Variants in IRAG1 observed in about 807,000 individuals in gnomAD.
The protein encoded by IRAG1 is inositol 1,4,5-triphosphate receptor associated 1.
In IRAG1, 62 loss-of-function variants were observed where a neutral mutation model predicts 106.2. The ratio of observed to expected loss-of-function variants is 0.58; its 90% CI spans 0.48 to 0.72. IRAG1 has a LOEUF of 0.72. IRAG1 is among the 30% of genes least tolerant of loss of function. The pLI, the probability that IRAG1 is intolerant of heterozygous loss-of-function variation, is 0.00. For synonymous variants in IRAG1, 462 were observed against 443.9 expected (o/e 1.04, Z -0.51); for missense variants, 1,064 against 1,140.7 (o/e 0.93, Z 0.97).
At chr11:10,617,238 A>G in intron 10 of IRAG1, 1 of 969,534 alleles carries the variant, frequency 1.0e-6, no homozygotes, top group Non-Finnish European at 1.2e-6. Context: ...TTCAAGAGCC[A>G]CCATTTACTG....
At position 10,693,723 on chromosome 11, in the gene IRAG1, GC is replaced by G; in HGVS notation, c.-122del. ...CTTAGAGCCGAGAGCTCCTCTGGGA[GC>G]CCCACTCCGGCCTGGCTCGGGGGAT... On this transcript the variant is annotated 5_prime_UTR_variant, in exon 1 of 21. Transcript: ENST00000423302. 1.7e-6 allele frequency: 2 copies of G among 1,185,058 alleles called. No individual in the cohort carries two copies. The highest frequency in any genetic ancestry group is 2.4e-6 in the Non-Finnish European group (2 of 848,004). 73.4% of individuals were successfully genotyped at this position (1,185,058 alleles called of 1,614,324 possible).
At chr11:10,585,273 A>G (rs1219750359) in intron 18 of IRAG1, among the ~76,000 whole-genome samples, 2 of 152,134 alleles carry the variant, frequency 1.3e-5, no homozygotes, top group Non-Finnish European at 2.9e-5. Context: ...TTTTACATGC[A>G]GATCTTCTGT....
At chr11:10,629,441 C>G in intron 5 of IRAG1, 97 bp downstream of exon 5, 1 of 1,365,336 alleles carries the variant, frequency 7.3e-7, no homozygotes. Flanking sequence ...AAGGCGACCT[C>G]CTCGGAGGTG....
chr11:10,613,043 G>T (rs1855099313), intron 10 of IRAG1, among the ~76,000 whole-genome samples: 1 of 152,108 alleles, frequency 6.6e-6, no homozygotes, highest in African/African-American at 2.4e-5. Context: ...AGGAAAGAAA[G>T]ATTGAAGTAT....
chr11:10,585,032 G>A (rs552651556), intron 18 of IRAG1, among the ~76,000 whole-genome samples: 3 of 152,248 alleles, frequency 2.0e-5, no homozygotes, highest in African/African-American at 7.2e-5. Context: ...CAGAGTCAGA[G>A]GAACCCTAAA....
intron 17 of IRAG1, 115 bp downstream of exon 17, chr11:10,593,377 T>G: frequency 1.4e-6 from 1 of 729,692 alleles, no homozygotes; most frequent in South Asian, 1.9e-5. Context: ...TTCTGGAAAT[T>G]TCCTCTCCTT....
chr11:10,676,293 G>C (rs1860658942), intron 1 of IRAG1, among the ~76,000 whole-genome samples: 1 of 152,248 alleles, frequency 6.6e-6, no homozygotes, highest in African/African-American at 2.4e-5. Flanking sequence ...ATGGTTGAGA[G>C]GATGGCATGA....
chr11:10,668,898 G>C (rs1860000388), intron 1 of IRAG1, among the ~76,000 whole-genome samples: 1 of 152,184 alleles, frequency 6.6e-6, no homozygotes, highest in Non-Finnish European at 1.5e-5. Flanking sequence ...CAGCAGACCT[G>C]GCTCTGAGGC....
At chr11:10,627,058 G>T (rs533799403) in intron 8 of IRAG1, among the ~76,000 whole-genome samples, 6 of 152,292 alleles carry the variant, frequency 3.9e-5, no homozygotes, top group African/African-American at 7.2e-5. Context: ...ATTGGATGGG[G>T]TGATTCTTGC....
intron 1 of IRAG1, among the ~76,000 whole-genome samples, chr11:10,669,423 A>G (rs1247322083): frequency 6.6e-6 from 1 of 152,244 alleles, no homozygotes; most frequent in African/African-American, 2.4e-5. Context: ...GTGGCCTGGC[A>G]ACAGGCAGCT....
rs547868247 is a variant in IRAG1, at chr11:10,629,646, C to A, written c.466G>T (p.Asp156Tyr). Reference sequence around the variant, plus strand: ...AGCAGCGCCAGGTTTTTCTTCTTGTCCTCCTCTGAGATGCTGATGTCTGGC... The same window carrying A: ...AGCAGCGCCAGGTTTTTCTTCTTGTACTCCTCTGAGATGCTGATGTCTGGC... Reference protein sequence around the residue: ...QLPDISISEEDKKKNLALLEE... With the variant: ...QLPDISISEEYKKKNLALLEE... The change falls in exon 5 of 21, where the codon GAC becomes TAC. Residue 156 changes from aspartate to tyrosine, a missense_variant. Asp to Tyr is a radical substitution (Grantham distance 160). Transcript: ENST00000423302. The A allele has an allele frequency of 3.7e-6, 6 of 1,613,948 alleles. No individual in the cohort carries two copies. In the South Asian group the frequency reaches 6.6e-5, roughly 18 times the overall value.
At chr11:10,684,774 CTT>C (rs1163301068) in intron 1 of IRAG1, among the ~76,000 whole-genome samples, 4 of 152,052 alleles carry the variant, frequency 2.6e-5, no homozygotes. Flanking sequence ...ATAAATCCTA[CTT>C]TCTCTTAAGT....
chr11:10,621,467 A>G (rs1403388770), intron 10 of IRAG1, among the ~76,000 whole-genome samples: 1 of 152,210 alleles, frequency 6.6e-6, no homozygotes, highest in East Asian at 1.9e-4. Flanking sequence ...TTGGGCCCAC[A>G]GTCTCAGAAG....
At chr11:10,607,495 C>T (rs767363349) in intron 11 of IRAG1, among the ~76,000 whole-genome samples, 2 of 152,222 alleles carry the variant, frequency 1.3e-5, no homozygotes, top group African/African-American at 4.8e-5. Flanking sequence ...GCAGTCCCTG[C>T]ATCTGCATGT....
chr11:10,582,793 TA>T (rs1446809418), intron 18 of IRAG1, among the ~76,000 whole-genome samples: 1 of 152,002 alleles, frequency 6.6e-6, no homozygotes, highest in Non-Finnish European at 1.5e-5. Context: ...CCATCTCTAC[TA>T]AAAATACAAA....
chr11:10,586,073 G>A (rs890632303), intron 18 of IRAG1: 1 of 152,240 alleles, frequency 6.6e-6, no homozygotes, highest in East Asian at 1.9e-4. Flanking sequence ...CCTGCCCTCA[G>A]GCTGGACCAT....
At chr11:10,591,704 C>A in intron 17 of IRAG1, 92 bp from the exon 18 acceptor site, 1 of 1,147,352 alleles carries the variant, frequency 8.7e-7, no homozygotes, top group Admixed American at 2.0e-5. Context: ...GGGAGCGGGG[C>A]TGCTGCTTCT....
intron 2 of IRAG1, among the ~76,000 whole-genome samples, chr11:10,636,207 AATTT>A (rs770950635): frequency 1.1e-4 from 17 of 152,182 alleles, no homozygotes; most frequent in Non-Finnish European, 2.2e-4. Flanking sequence ...TTATTTATTT[AATTT>A]ATTTAGTTTC....
intron 1 of IRAG1, among the ~76,000 whole-genome samples, chr11:10,676,493 C>T (rs1860687498): frequency 6.6e-6 from 1 of 152,194 alleles, no homozygotes; most frequent in Non-Finnish European, 1.5e-5. Flanking sequence ...ATCCCATGCT[C>T]CCAGCTCTGG....
Sources: allele counts gnomAD v4.1 joint callset (sites outside exome capture counted in the v4.1 genomes callset), GRCh38; gene constraint gnomAD v4.1.1; transcripts MANE v1.5; gene names NCBI Gene and HGNC (gene_info 2026-07-23, HGNC 2026-07-21).